The following KIF1A variants were observed in gnomAD, a reference collection of about 807,000 sequenced individuals.
The protein encoded by KIF1A is kinesin-like protein KIF1A.
A neutral mutation model predicts 227.3 loss-of-function variants in KIF1A; 46 were observed. The observed-to-expected ratio is 0.20, with a 90% CI of 0.16 to 0.26. The LOEUF (loss-of-function observed/expected upper bound fraction) is 0.26. Ranked by LOEUF, KIF1A falls within the 10% of genes least tolerant of loss-of-function variation. KIF1A has a pLI of 1.00. For missense variants in KIF1A, 1,683 were observed against 2,485.9 expected (o/e 0.68, Z 6.87); for synonymous variants, 1,022 against 1,012.8 (o/e 1.01, Z -0.17).
chr2:240,773,398 G>A (rs978077270), intron 12 of KIF1A, 142 bp from the exon 13 acceptor site: 53 of 1,000,068 alleles, frequency 5.3e-5, no homozygotes, highest in African/African-American at 2.4e-4. Context: ...AGCACAGCCT[G>A]GCACAGAGTG....
In KIF1A at chr2:240,778,085, C is replaced by T. The variant is rs944630653; in HGVS notation, c.883-2159G>A. Reference sequence around the variant, plus strand: ...CTCCCGCTCCCCACGCACTTCCTCGCGTTTCTCCACACGGTTCTTCACGCA... The same window carrying T: ...CTCCCGCTCCCCACGCACTTCCTCGTGTTTCTCCACACGGTTCTTCACGCA... On this transcript the variant is annotated intron_variant, in intron 10 of 48. Coordinates refer to ENST00000498729, the MANE Select transcript of KIF1A (RefSeq NM_001244008.2). The surrounding 1 kb of genome is among the most constrained non-coding windows in gnomAD (Gnocchi z 7.2). 1.6e-4 allele frequency among the ~76,000 whole-genome samples: 25 copies of T among 152,182 alleles called. No individual in the cohort carries two copies. The highest frequency in any genetic ancestry group is 5.5e-4 in the African/African-American group (23 of 41,520).
intron 10 of KIF1A, among the ~76,000 whole-genome samples, chr2:240,780,830 C>CCACACACACACACAGCTCCA (rs1232070609): frequency 9.9e-5 from 1 of 10,070 alleles, no homozygotes; most frequent in Non-Finnish European, 1.8e-4. Flanking sequence ...ACACACAGCT[C>CCACACACACACACAGCTCCA]CACACACACA....
intron 38 of KIF1A, among the ~76,000 whole-genome samples, chr2:240,730,433 C>G (rs1290434653): frequency 6.6e-6 from 1 of 152,200 alleles, no homozygotes; most frequent in East Asian, 1.9e-4. Context: ...GACCCCCACT[C>G]CAGGAGCAGG....
At position 240,740,781 on chromosome 2, in the gene KIF1A, G is replaced by A. The variant is rs1236630006; in HGVS notation, c.3750-417C>T. On this transcript the variant is annotated intron_variant, in intron 35 of 48. Coordinates refer to ENST00000498729, the MANE Select transcript of KIF1A (RefSeq NM_001244008.2). The surrounding 1 kb of genome is among the most constrained non-coding windows in gnomAD (Gnocchi z 6.1). ...CCTGTCCCACTCTGGGCAAGGATCC[G>A]AGTCTCCACCAGGCCCCACTCTGAG... Among the ~76,000 whole-genome samples, 6 of 151,924 alleles carry A rather than the reference G, an allele frequency of 3.9e-5. No individual in the cohort carries two copies. Among genetic ancestry groups the A allele is most frequent in the Non-Finnish European group, 2.9e-5 (2 of 67,962 alleles).
Position 240,736,969 on chromosome 2 carries a change from A to T in KIF1A, c.4007+94T>A. On this transcript the variant is annotated intron_variant, in intron 38 of 48. Transcript: ENST00000498729. The surrounding 1 kb of genome is among the most constrained non-coding windows in gnomAD (Gnocchi z 4.7). ...GGGCCGGGAGAGCGTTGAGCGGGTC[A>T]CCTTGTGTGGCTGAACCCTGTGCCG... The T allele has an allele frequency of 9.8e-7, 1 of 1,020,334 alleles. No individual in the cohort carries two copies. The allele number at this position is 1,020,334 out of a possible 1,614,324, so 63.2% of individuals were successfully genotyped here. A position where few individuals can be genotyped will look rare whatever the true frequency, so the allele number is the denominator to read the frequency against.
intron 27 of KIF1A, among the ~76,000 whole-genome samples, chr2:240,753,434 C>T (rs2049454559): frequency 6.6e-6 from 1 of 152,214 alleles, no homozygotes; most frequent in Non-Finnish European, 1.5e-5. Context: ...GCCATGTTGC[C>T]AACTGTGGGC....
chr2:240,726,681 T>G lies in KIF1A; in HGVS notation c.4122+145A>C, dbSNP rs1217059412. 4 of 474,036 alleles carry G rather than the reference T, an allele frequency of 8.4e-6. No homozygotes were observed. In the East Asian group the frequency reaches 1.3e-4, roughly 15 times the overall value. 29.4% of individuals were successfully genotyped at this position (474,036 alleles called of 1,614,324 possible). A position where few individuals can be genotyped will look rare whatever the true frequency, so the allele number is the denominator to read the frequency against. ...CTTGCAGTCCAGTTTTTGTTTTTGT[T>G]TTTTAAAAGGCACACAAATTTAACC... On this transcript the variant is annotated intron_variant, in intron 39 of 48. Coordinates refer to ENST00000498729, the MANE Select transcript of KIF1A (RefSeq NM_001244008.2). The surrounding 1 kb of genome is among the most constrained non-coding windows in gnomAD (Gnocchi z 5.2).
intron 10 of KIF1A, 33 bp downstream of exon 10, chr2:240,782,557 G>T: frequency 1.3e-6 from 2 of 1,550,142 alleles, no homozygotes; most frequent in Admixed American, 2.0e-5. Context: ...CCAGCCTCCC[G>T]CACCTGCCCC....
Position 240,716,127 on chromosome 2 carries a change from G to A in KIF1A, c.*1237C>T, listed in dbSNP as rs3732341. ...AAAGGGACACCGCAGATGCAGCAGC[G>A]AAGAGCTCCTTGAAGACAATAACCA... On this transcript the variant is annotated 3_prime_UTR_variant, in exon 49 of 49. Transcript: ENST00000498729. The A allele has an allele frequency of 0.37, 56,120 of 151,770 alleles. 12,166 individuals carry two copies. The highest frequency in any genetic ancestry group is 0.5 in the Middle Eastern group (147 of 294). The allele number at this position is 151,770 out of a possible 1,614,324, so 9.4% of individuals were successfully genotyped here. A position where few individuals can be genotyped will look rare whatever the true frequency, so the allele number is the denominator to read the frequency against.
chr2:240,743,609 G>A (rs1185797340), intron 33 of KIF1A, among the ~76,000 whole-genome samples: 2 of 152,178 alleles, frequency 1.3e-5, no homozygotes, highest in African/African-American at 4.8e-5. Flanking sequence ...CCCCTTTCCT[G>A]GGGTCCTCGG....
In KIF1A at chr2:240,741,301, G is replaced by A; in HGVS notation, c.3717C>T (p.Tyr1239=). ...PCHCKYDLLV[Y]FEICELEANG... ...TGGCCTCCAGCTCACAGATCTCGAAGTAGACCAGCAGGTCGTACTTGCAGT... is the reference window on the plus strand; with the variant it reads ...TGGCCTCCAGCTCACAGATCTCGAAATAGACCAGCAGGTCGTACTTGCAGT... The change falls in exon 35 of 49, where the codon TAC becomes TAT. Residue 1239 remains tyrosine (Y), a synonymous_variant. Coordinates refer to ENST00000498729, the MANE Select transcript of KIF1A (RefSeq NM_001244008.2). The A allele has an allele frequency of 2.5e-6, 4 of 1,599,930 alleles. No individual in the cohort carries two copies. Among genetic ancestry groups the A allele is most frequent in the Non-Finnish European group, 3.4e-6 (4 of 1,175,766 alleles).
At chr2:240,782,696 C>T (rs1476251133) in intron 9 of KIF1A, 89 bp from the exon 10 acceptor site, 39 of 1,361,272 alleles carry the variant, frequency 2.9e-5, no homozygotes, top group Admixed American at 1.2e-4. Flanking sequence ...CCGGCTGCCT[C>T]GCCCTGGCCA....
chr2:240,802,928 C>G (rs924448692), intron 1 of KIF1A, among the ~76,000 whole-genome samples: 4 of 152,176 alleles, frequency 2.6e-5, no homozygotes, highest in African/African-American at 7.2e-5. Context: ...CCATGCCCAG[C>G]CTCATACATA....
At chr2:240,820,239 G>A (rs2058638588), upstream of KIF1A, 1 of 149,736 alleles carries the variant, frequency 6.7e-6, no homozygotes, top group African/African-American at 2.4e-5. This position sits in a 1 kb window ranked among gnomAD's most constrained non-coding sequence, Gnocchi z 6.2. Context: ...GCCGCGTGAC[G>A]GGCTGCGCGC....
chr2:240,779,152 A>ACT (rs1338758220), intron 10 of KIF1A, among the ~76,000 whole-genome samples: 1 of 141,318 alleles, frequency 7.1e-6, no homozygotes, highest in African/African-American at 2.8e-5. Context: ...ACAGTTCCAC[A>ACT]CAGTTCCACA....
chr2:240,721,095 TG>T, intron 44 of KIF1A, 57 bp from the exon 45 acceptor site: 30 of 1,597,172 alleles, frequency 1.9e-5, no homozygotes, highest in Non-Finnish European at 2.6e-5. Context: ...CCGGCCTCTG[TG>T]GGAGCTGCTC....
chr2:240,791,093 C>T (rs2055607638), intron 2 of KIF1A, among the ~76,000 whole-genome samples: 1 of 152,078 alleles, frequency 6.6e-6, no homozygotes, highest in South Asian at 2.1e-4. Context: ...GGGCAGCCAG[C>T]AGGAGGGAGC....
At chr2:240,745,711 A>G (rs774891212) in intron 31 of KIF1A, 27 bp downstream of exon 31, 174 of 1,606,402 alleles carry the variant, frequency 1.1e-4, no homozygotes, top group Non-Finnish European at 1.4e-4. Context: ...TGCGCAGCGC[A>G]GGGACACAAA....
chr2:240,819,535 T>C (rs1350004510), intron 1 of KIF1A, among the ~76,000 whole-genome samples: 2 of 147,742 alleles, frequency 1.4e-5, no homozygotes, highest in Non-Finnish European at 3.0e-5. Context: ...CCTGTTTTGC[T>C]CCCGGCTCCA....
Sources: gnomAD v4.1 joint callset for allele counts (sites outside exome capture counted in the v4.1 genomes callset) on GRCh38, gnomAD v4.1.1 for gene constraint, Gnocchi (gnomAD v3.1) non-coding constraint, MANE v1.5 for transcripts, NCBI Gene and HGNC (gene_info 2026-07-23, HGNC 2026-07-21) for gene names.